The following ADSL variants were observed in gnomAD, a reference collection of about 807,000 sequenced individuals.
ADSL encodes adenylosuccinase.
ADSL carries 44 observed loss-of-function variants against 62.1 expected under a neutral mutation model. The ratio of observed to expected loss-of-function variants is 0.71; its 90% confidence interval spans 0.56 to 0.91. The LOEUF (loss-of-function observed/expected upper bound fraction) is 0.91. ADSL is among the 40% of genes least tolerant of loss of function. The pLI is 0.00. For missense variants in ADSL, 531 were observed against 627.4 expected (o/e 0.85, Z 1.64); for synonymous variants, 198 against 220.5 (o/e 0.90, Z 0.90).
At position 40,380,703 on chromosome 22, in the gene ADSL, A is replaced by G. The variant is rs764814611; in HGVS notation, c.90-9527A>G. Among the ~76,000 whole-genome samples the G allele has an allele frequency of 4.5e-4, 68 of 152,260 alleles. No individual in the cohort carries two copies. The Middle Eastern group carries it at 0.017, about 38-fold the overall frequency. ...GTAATCCCAGCACTTTGGGAGGCCAAGGTAGGATGACTGATTGAGCCCAGG... is the reference window on the plus strand; with the variant it reads ...GTAATCCCAGCACTTTGGGAGGCCAGGGTAGGATGACTGATTGAGCCCAGG... On this transcript the variant is annotated intron_variant, in intron 2 of 2. Coordinates refer to the ADSL transcript ENST00000498234.
At chr22:40,361,250 G>A (rs772260021) in intron 7 of ADSL, 23 bp from the exon 8 acceptor site, 2 of 1,611,468 alleles carry the variant, frequency 1.2e-6, no homozygotes, top group Non-Finnish European at 1.7e-6. Flanking sequence ...GTGGGGTGAT[G>A]CTTATTCCCC....
At chr22:40,386,605 A>G (rs1271396976) in intron 2 of ADSL, among the ~76,000 whole-genome samples, 1 of 137,256 alleles carries the variant, frequency 7.3e-6, no homozygotes, top group Non-Finnish European at 1.5e-5. Flanking sequence ...AAAGACAACT[A>G]GAGATCAGGT....
chr22:40,369,509 TTATA>T (rs1042568007), downstream of ADSL: 1 of 143,898 alleles, frequency 6.9e-6, no homozygotes, highest in Admixed American at 6.9e-5. Flanking sequence ...TATCTATCTT[TTATA>T]TATATATATA....
Position 40,361,305 on chromosome 22 carries a change from C to T in ADSL, c.825C>T (p.Leu275=). The stretch of plus-strand genomic sequence containing the variant: ...CCGACATACGCCTCCTGGCAAACCT[C>T]AAGGAGATGGAGGAACCCTTTGAAA... The part of the protein sequence containing the change: ...ICTDIRLLAN[L]KEMEEPFEKQ... The change falls in exon 8 of 13, where the codon CTC becomes CTT. Residue 275 remains leucine (L), a synonymous_variant. Coordinates refer to ENST00000623063, the MANE Select transcript of ADSL (RefSeq NM_000026.4). 1 of 1,614,174 alleles carries T rather than the reference C, an allele frequency of 6.2e-7. No individual in the cohort carries two copies.
chr22:40,387,351 A>G, intron 2 of ADSL: 1 of 395,396 alleles, frequency 2.5e-6, no homozygotes, highest in East Asian at 3.6e-5. Flanking sequence ...ATATCTGCAA[A>G]TGAAACATTT....
chr22:40,375,636 A>G (rs1287792016), intron 2 of ADSL, among the ~76,000 whole-genome samples: 2 of 151,192 alleles, frequency 1.3e-5, no homozygotes, highest in African/African-American at 4.8e-5. Context: ...CTTATCTTGG[A>G]AAGGGTATAA....
In ADSL at chr22:40,349,839, G is replaced by A. The variant is rs765813625; in HGVS notation, c.161G>A (p.Gly54Asp). 1.2e-6 allele frequency: 2 copies of A among 1,613,872 alleles called. No individual in the cohort carries two copies. Among genetic ancestry groups the A allele is most frequent in the Admixed American group, 3.3e-5 (2 of 59,996 alleles). ...ATTTTGCCTATTCTGCAGACATTGG[G>A]TTTGCCTATCACAGATGAACAAATC... ...LWLAEAEQTLGLPITDEQIQE... is the reference protein window; with the variant it reads ...LWLAEAEQTLDLPITDEQIQE... Residue 54 changes from glycine to aspartate, a missense_variant, in exon 2 of 13, where the codon GGT (glycine) becomes GAT (aspartate). Physicochemically the swap from Gly to Asp is moderately conservative, Grantham distance 94. Coordinates refer to ENST00000623063, the MANE Select transcript of ADSL (RefSeq NM_000026.4).
chr22:40,349,724 G>T (rs1601551440), intron 1 of ADSL, 108 bp from the exon 2 acceptor site: 1 of 976,034 alleles, frequency 1.0e-6, no homozygotes, highest in East Asian at 2.6e-5. Context: ...TAAGGGTTGG[G>T]AGATAGGGTA....
At chr22:40,386,466 TGATTCAGTTTCA>T (rs1419795350) in intron 2 of ADSL, among the ~76,000 whole-genome samples, 1 of 152,090 alleles carries the variant, frequency 6.6e-6, no homozygotes, top group Admixed American at 6.5e-5. Flanking sequence ...TCCAAGTTTT[TGATTCAGTTTCA>T]GATTAAAGTA....
chr22:40,361,869 T>C (rs1273731268), intron 9 of ADSL, among the ~76,000 whole-genome samples: 1 of 152,194 alleles, frequency 6.6e-6, no homozygotes. Context: ...GTCAGAAAGC[T>C]TCACAGTAGA....
chr22:40,357,788 TG>T (rs1463763461), intron 4 of ADSL, among the ~76,000 whole-genome samples: 1 of 152,238 alleles, frequency 6.6e-6, no homozygotes, highest in Non-Finnish European at 1.5e-5. Flanking sequence ...TTTTTTCATT[TG>T]TTTTTTTGAG....
In ADSL at chr22:40,366,451, G is replaced by A. The variant is rs1215682292; in HGVS notation, c.1384G>A (p.Glu462Lys). The A allele has an allele frequency of 3.1e-6, 5 of 1,612,092 alleles. No homozygotes were observed. Among genetic ancestry groups the A allele is most frequent in the Non-Finnish European group, 4.2e-6 (5 of 1,178,178 alleles). ...RASQQVQRFL[E>K]EEVYPLLKPY... ...CCTCTGGCAGGTGCAGAGATTCTTA[G>A]AAGAGGAGGTGTATCCCCTGTTAAA... is the stretch of plus-strand genomic sequence containing the variant. The change falls in exon 13 of 13, where the codon GAA becomes AAA. Residue 462 changes from glutamate (E) to lysine (K), a missense_variant. By Grantham distance (56) the Glu-to-Lys change is moderately conservative. This residue lies in a region of ADSL where 471 missense variants were observed against 592.9 expected (regional missense o/e 0.79). Coordinates refer to ENST00000623063, the MANE Select transcript of ADSL (RefSeq NM_000026.4).
At chr22:40,385,289 T>C (rs544309184) in intron 2 of ADSL, among the ~76,000 whole-genome samples, 3 of 152,302 alleles carry the variant, frequency 2.0e-5, no homozygotes, top group East Asian at 3.9e-4. Flanking sequence ...TTTTAAAAAG[T>C]ATGGCAGTGA....
chr22:40,360,468 TAGCTTGGGGGCATCAGTGC>T lies in ADSL; in HGVS notation c.770_788del (p.Ser257ThrfsTer49). ...ATATTGAAGTACTGTCTGTGCTGGC[TAGCTTGGGGGCATCAGTGC>T]ACAAGGTGAGTGGTGGCAGCATGTG... On this transcript the variant is annotated frameshift_variant, in exon 7 of 13. Transcript: ENST00000623063. LOFTEE classifies it high-confidence loss of function. 6.2e-7 allele frequency: 1 copy of T among 1,614,136 alleles called. No individual in the cohort carries two copies. The highest frequency in any genetic ancestry group is 8.5e-7 in the Non-Finnish European group (1 of 1,179,982).
At chr22:40,352,420 C>T (rs894513797) in intron 2 of ADSL, among the ~76,000 whole-genome samples, 8 of 152,032 alleles carry the variant, frequency 5.3e-5, no homozygotes, top group Admixed American at 3.9e-4. Context: ...CCCAGCTACT[C>T]AGGAGGCTGA....
intron 4 of ADSL, among the ~76,000 whole-genome samples, chr22:40,358,176 G>A (rs989793762): frequency 1.3e-5 from 2 of 152,176 alleles, no homozygotes; most frequent in Admixed American, 6.5e-5. Flanking sequence ...ATTTCCAATA[G>A]TAAGAGTACA....
downstream of ADSL, among the ~76,000 whole-genome samples, chr22:40,372,400 C>CA: frequency 6.6e-6 from 1 of 152,170 alleles, no homozygotes. Context: ...GCTGGGATTA[C>CA]AGGCGTGAGC....
chr22:40,361,782 G>T, intron 9 of ADSL, 147 bp downstream of exon 9: 1 of 1,038,768 alleles, frequency 9.6e-7, no homozygotes, highest in Non-Finnish European at 1.4e-6. Flanking sequence ...AACATAAAAA[G>T]GACAGTGTGA....
chr22:40,387,127 C>A (rs2048596316), intron 2 of ADSL: 2 of 397,858 alleles, frequency 5.0e-6, no homozygotes, highest in East Asian at 7.1e-5. Flanking sequence ...GGGGTCAGTC[C>A]TTTGCTGAGG....
Sources: gnomAD v4.1 joint callset for allele counts (sites outside exome capture counted in the v4.1 genomes callset) on GRCh38, gnomAD v4.1.1 for gene constraint, gnomAD v4.1.1 regional missense constraint, MANE v1.5 for transcripts, NCBI Gene and HGNC (gene_info 2026-07-23, HGNC 2026-07-21) for gene names.